The following CSRNP1 variants were observed in gnomAD, a reference collection of about 807,000 sequenced individuals.
The protein encoded by CSRNP1 is cysteine/serine-rich nuclear protein 1.
In CSRNP1, 8 loss-of-function variants were observed where a neutral mutation model predicts 25.0. The ratio of observed to expected loss-of-function variants is 0.32; its 90% CI spans 0.19 to 0.58. The LOEUF (loss-of-function observed/expected upper bound fraction) is 0.58, where lower values mean the gene tolerates loss of function less well. Among genes scored for constraint, CSRNP1 ranks in the 20% least tolerant of loss-of-function variants. CSRNP1 has a pLI of 0.88. For synonymous variants in CSRNP1, 305 were observed against 303.1 expected, an observed-to-expected ratio of 1.01 and a Z score of -0.06; for missense variants, 691 against 773.1, an observed-to-expected ratio of 0.89 and a Z score of 1.26.
In CSRNP1 at chr3:39,144,307, C is replaced by G; in HGVS notation, c.610G>C (p.Ala204Pro). ...EEVSFLQPYPARRRRALLRAS... is the reference protein window; with the variant it reads ...EEVSFLQPYPPRRRRALLRAS... ...CTCAGCAGAGCTCGACGTCGCCGGG[C>G]TGGGTAGGGCTGTAGGAAGCTCACT... Residue 204 changes from alanine (A) to proline (P), a missense_variant, in exon 4 of 5, where the codon GCC (alanine) becomes CCC (proline). Physicochemically the swap from Ala to Pro is conservative, Grantham distance 27 (BLOSUM62 -1). Transcript: ENST00000273153. The G allele has an allele frequency of 6.2e-7, 1 of 1,614,208 alleles. No individual in the cohort carries two copies. The highest frequency in any genetic ancestry group is 8.5e-7 in the Non-Finnish European group (1 of 1,180,038).
Position 39,144,282 on chromosome 3 carries a change from C to T in CSRNP1, c.635G>A (p.Arg212Lys), listed in dbSNP as rs2039470668. The change falls in exon 4 of 5, where the codon AGG (arginine) becomes AAG (lysine). Residue 212 changes from arginine (R) to lysine (K), a missense_variant. Physicochemically the swap from Arg to Lys is conservative, Grantham distance 26. Coordinates refer to ENST00000273153, the MANE Select transcript of CSRNP1 (RefSeq NM_033027.4). The part of the protein sequence containing the change: ...YPARRRRALL[R>K]ASGVRRIDRE... Reference sequence around the variant, plus strand: ...ATCGATCCTTCGCACACCTGAAGCCCTCAGCAGAGCTCGACGTCGCCGGGC... The same window carrying T: ...ATCGATCCTTCGCACACCTGAAGCCTTCAGCAGAGCTCGACGTCGCCGGGC... The T allele has an allele frequency of 3.1e-6, 5 of 1,614,144 alleles. No homozygotes were observed. In the African/African-American group the frequency reaches 5.3e-5, roughly 17 times the overall value.
Position 39,143,280 on chromosome 3 carries a change from A to C in CSRNP1, c.1545T>G (p.Ser515Arg). ...FELLQALPDYSLGPHYTSQKV... is the reference protein window; with the variant it reads ...FELLQALPDYRLGPHYTSQKV... Reference sequence around the variant, plus strand: ...TCTGTGATGTGTAGTGAGGCCCCAGACTATAATCTGGCAGAGCCTGGAGTA... The same window carrying C: ...TCTGTGATGTGTAGTGAGGCCCCAGCCTATAATCTGGCAGAGCCTGGAGTA... The change falls in exon 5 of 5, where the codon AGT becomes AGG. Residue 515 changes from serine (S) to arginine (R), a missense_variant. Coordinates refer to ENST00000273153, the MANE Select transcript of CSRNP1 (RefSeq NM_033027.4). The C allele has an allele frequency of 6.2e-7, 1 of 1,614,184 alleles. No homozygotes were observed. Among genetic ancestry groups the C allele is most frequent in the Non-Finnish European group, 8.5e-7 (1 of 1,180,016 alleles).
At chr3:39,152,656 CTAAG>C (rs2039598761) in intron 1 of CSRNP1, 1 of 153,860 alleles carries the variant, frequency 6.5e-6, no homozygotes, top group Admixed American at 6.5e-5. Context: ...GCGGGAGTGA[CTAAG>C]TGTGTGACTA....
intron 1 of CSRNP1, among the ~76,000 whole-genome samples, chr3:39,147,447 T>C (rs1471250029): frequency 1.3e-5 from 2 of 152,154 alleles, no homozygotes; most frequent in Admixed American, 6.5e-5. Flanking sequence ...GAGTAGTTTC[T>C]GAGCCCTTCC....
rs1411814018 is a variant in CSRNP1 at position 39,144,199 on chromosome 3, G to A, written c.718C>T (p.His240Tyr). The part of the protein sequence containing the change: ...LRQSREDCGC[H>Y]CDRICDPETC... ...TCAGGGTCGCAGATCCTATCGCAGTGACAGCCACAATCCTCCCGGGATTGG... is the reference window on the plus strand; with the variant it reads ...TCAGGGTCGCAGATCCTATCGCAGTAACAGCCACAATCCTCCCGGGATTGG... The change falls in exon 4 of 5, where the codon CAC becomes TAC. Residue 240 changes from histidine to tyrosine, a missense_variant. Physicochemically the swap from His to Tyr is moderately conservative, Grantham distance 83. Transcript: ENST00000273153. The A allele has an allele frequency of 1.9e-6, 3 of 1,614,178 alleles. No homozygotes were observed. The highest frequency in any genetic ancestry group is 1.1e-5 in the South Asian group (1 of 91,082).
Position 39,143,187 on chromosome 3 carries a change from C to T in CSRNP1, c.1638G>A (p.Gly546=). ...HFPLPGLSPP[G]DASSCFLESL... ...ACTCCAGGAAGCAACTGCTGGCATC[C>T]CCAGGTGGAGACAGGCCAGGCAGGG... Residue 546 remains glycine, a synonymous_variant, in exon 5 of 5, where the codon GGG becomes GGA. Transcript: ENST00000273153. 6.2e-7 allele frequency: 1 copy of T among 1,614,210 alleles called. No homozygotes were observed. Among genetic ancestry groups the T allele is most frequent in the Non-Finnish European group, 8.5e-7 (1 of 1,180,032 alleles).
chr3:39,144,307 C>T lies in CSRNP1; in HGVS notation c.610G>A (p.Ala204Thr), dbSNP rs1332562517. Residue 204 changes from alanine (A) to threonine (T), a missense_variant, in exon 4 of 5, where the codon GCC becomes ACC. By Grantham distance (58) the Ala-to-Thr change is moderately conservative. Coordinates refer to ENST00000273153, the MANE Select transcript of CSRNP1 (RefSeq NM_033027.4). ...CTCAGCAGAGCTCGACGTCGCCGGGCTGGGTAGGGCTGTAGGAAGCTCACT... is the reference window on the plus strand; with the variant it reads ...CTCAGCAGAGCTCGACGTCGCCGGGTTGGGTAGGGCTGTAGGAAGCTCACT... ...EEVSFLQPYP[A>T]RRRRALLRAS... is the part of the protein sequence containing the mutation. 2 of 1,614,208 alleles carry T rather than the reference C, an allele frequency of 1.2e-6. No individual in the cohort carries two copies. Among genetic ancestry groups the T allele is most frequent in the South Asian group, 2.2e-5 (2 of 91,092 alleles).
chr3:39,146,654 T>C lies in CSRNP1; in HGVS notation c.29A>G (p.Asp10Gly). ...CGAGGAGTTGTCCTCATCCAGCTGG[T>C]CAAATTTCCTCTTCAACAGCCCAGT... MTGLLKRKF[D>G]QLDEDNSSVS... The change falls in exon 2 of 5, where the codon GAC (aspartate) becomes GGC (glycine). Residue 10 changes from aspartate to glycine, a missense_variant. Physicochemically the swap from Asp to Gly is moderately conservative, Grantham distance 94. Coordinates refer to ENST00000273153, the MANE Select transcript of CSRNP1 (RefSeq NM_033027.4). The C allele has an allele frequency of 6.4e-7, 1 of 1,567,710 alleles. No homozygotes were observed. Among genetic ancestry groups the C allele is most frequent in the African/African-American group, 1.4e-5 (1 of 73,504 alleles).
In CSRNP1 at chr3:39,145,344, C is replaced by T; in HGVS notation, c.206-88G>A. ...AAGATCATGCCAGACTGCCCTCCCG[C>T]CTCCCACCTTTTCCCTCCTCCCTCT... On this transcript the variant is annotated intron_variant, in intron 2 of 4. Transcript: ENST00000273153. The T allele has an allele frequency of 2.8e-6, 4 of 1,428,106 alleles. No individual in the cohort carries two copies. In the South Asian group the frequency reaches 5.8e-5, roughly 21 times the overall value. The allele number at this position is 1,428,106 out of a possible 1,614,324, so 88.5% of individuals were successfully genotyped here. A position where few individuals can be genotyped will look rare whatever the true frequency, so the allele number is the denominator to read the frequency against.
chr3:39,146,374 G>A lies in CSRNP1; in HGVS notation c.205+104C>T, dbSNP rs80077325. ...TAGCTCATGAGAGCTACCGCCATGG[G>A]GACCTAACCACCAGAGGCCAAAGGC... On this transcript the variant is annotated intron_variant, in intron 2 of 4. Coordinates refer to ENST00000273153, the MANE Select transcript of CSRNP1 (RefSeq NM_033027.4). The A allele has an allele frequency of 3.9e-3, 5,365 of 1,377,632 alleles. 157 individuals carry two copies. In the African/African-American group the frequency reaches 0.068, roughly 18 times the overall value. The allele number at this position is 1,377,632 out of a possible 1,614,324, so 85.3% of individuals were successfully genotyped here.
Position 39,143,322 on chromosome 3 carries a change from A to G in CSRNP1, c.1503T>C (p.Ser501=), listed in dbSNP as rs1255294050. Residue 501 remains serine (S), a synonymous_variant, in exon 5 of 5, where the codon TCT becomes TCC. Coordinates refer to ENST00000273153, the MANE Select transcript of CSRNP1 (RefSeq NM_033027.4). ...RSSSVDLSLS[S]CDSFELLQAL... ...CCTGGAGTAACTCAAAGGAGTCACA[A>G]GAAGACAAGCTGAGATCCACTGAGC... 1.2e-6 allele frequency: 2 copies of G among 1,614,214 alleles called. No homozygotes were observed. The highest frequency in any genetic ancestry group is 1.1e-5 in the South Asian group (1 of 91,086).
chr3:39,147,074 T>C (rs1412825008), intron 1 of CSRNP1, among the ~76,000 whole-genome samples: 1 of 150,634 alleles, frequency 6.6e-6, no homozygotes, highest in Non-Finnish European at 1.5e-5. Flanking sequence ...CACACATGCA[T>C]CCACACCAGC....
At chr3:39,146,743 C>T in intron 1 of CSRNP1, 21 bp from the exon 2 acceptor site, 1 of 1,534,754 alleles carries the variant, frequency 6.5e-7, no homozygotes. Context: ...AATGAGAAGG[C>T]TCTAAGTGGC....
At position 39,143,617 on chromosome 3, in the gene CSRNP1, C is replaced by G; in HGVS notation, c.1208G>C (p.Gly403Ala). 1.2e-6 allele frequency: 2 copies of G among 1,614,232 alleles called. No homozygotes were observed. Among genetic ancestry groups the G allele is most frequent in the Non-Finnish European group, 1.7e-6 (2 of 1,180,050 alleles). The change falls in exon 5 of 5, where the codon GGT (glycine) becomes GCT (alanine). Residue 403 changes from glycine to alanine, a missense_variant. Coordinates refer to ENST00000273153, the MANE Select transcript of CSRNP1 (RefSeq NM_033027.4). ...TTCCTCCTCTTCCTCCTCCTCCCCA[C>G]CGAAGTCAGAGTCACTGAAACTCAA... is the stretch of plus-strand genomic sequence containing the variant. ...RILSFSDSDF[G>A]GEEEEEEEGS...
At chr3:39,147,211 C>CTGTGTGTGTGTGTGTGTGTG (rs10679310) in intron 1 of CSRNP1, among the ~76,000 whole-genome samples, 8 of 148,562 alleles carry the variant, frequency 5.4e-5, no homozygotes, top group African/African-American at 1.2e-4. Context: ...ATCTGTGTGC[C>CTGTGTGTGTGTGTGTGTGTG]TGTGTGTGTG....
intron 1 of CSRNP1, chr3:39,149,813 T>C (rs1319709080): frequency 6.6e-6 from 1 of 152,346 alleles, no homozygotes; most frequent in African/African-American, 2.4e-5. Context: ...CCCAGCCTTA[T>C]TCCCTTTCAG....
chr3:39,150,363 T>C (rs1263248068), intron 1 of CSRNP1: 1 of 152,198 alleles, frequency 6.6e-6, no homozygotes, highest in Non-Finnish European at 1.5e-5. Context: ...GAGTCTGGCA[T>C]AGAGAAGGCA....
At chr3:39,145,854 T>C (rs2039501197) in intron 2 of CSRNP1, among the ~76,000 whole-genome samples, 1 of 152,236 alleles carries the variant, frequency 6.6e-6, no homozygotes, top group Non-Finnish European at 1.5e-5. Context: ...TGCACAGATA[T>C]ATACCTACAG....
Position 39,145,211 on chromosome 3 carries a change from A to G in CSRNP1, c.251T>C (p.Val84Ala). ...KRARRERPGR[V>A]AFDGITVFYF... Reference sequence around the variant, plus strand: ...GAAGACGGTGATCCCATCAAAGGCTACACGGCCTGGGCGCTCCCGGCGAGC... The same window carrying G: ...GAAGACGGTGATCCCATCAAAGGCTGCACGGCCTGGGCGCTCCCGGCGAGC... The change falls in exon 3 of 5, where the codon GTA (valine) becomes GCA (alanine). Residue 84 changes from valine to alanine, a missense_variant. Physicochemically the swap from Val to Ala is moderately conservative, Grantham distance 64. Coordinates refer to ENST00000273153, the MANE Select transcript of CSRNP1 (RefSeq NM_033027.4). The G allele has an allele frequency of 6.2e-7, 1 of 1,612,820 alleles. No individual in the cohort carries two copies. Among genetic ancestry groups the G allele is most frequent in the South Asian group, 1.1e-5 (1 of 91,032 alleles).
Sources: allele counts gnomAD v4.1 joint callset (sites outside exome capture counted in the v4.1 genomes callset), GRCh38; gene constraint gnomAD v4.1.1; transcripts MANE v1.5; gene names NCBI Gene and HGNC (gene_info 2026-07-23, HGNC 2026-07-21).